Variants in BABAM2 observed in about 807,000 individuals in gnomAD.
The protein encoded by BABAM2 is BRISC and BRCA1 A complex member 2.
In BABAM2, 31 loss-of-function variants were observed where a neutral mutation model predicts 54.7. That is an observed-to-expected ratio of 0.57 (90% confidence interval 0.43 to 0.77). The LOEUF is 0.77. Among genes scored for constraint, BABAM2 ranks in the 30% least tolerant of loss-of-function variants. BABAM2 has a pLI of 0.00. For missense variants in BABAM2, 364 were observed against 455.8 expected, an observed-to-expected ratio of 0.80 and a Z score of 1.83; for synonymous variants, 167 against 162.9, an observed-to-expected ratio of 1.03 and a Z score of -0.19.
At chr2:28,327,262 C>G (rs1690549515) in intron 11 of BABAM2, 2 of 1,595,820 alleles carry the variant, frequency 1.3e-6, no homozygotes, top group African/African-American at 1.3e-5. Flanking sequence ...TCCTTCTCAT[C>G]TGCTGCACCA....
chr2:28,003,212 T>G (rs1017233335), intron 4 of BABAM2, among the ~76,000 whole-genome samples: 3 of 152,228 alleles, frequency 2.0e-5, no homozygotes, highest in Non-Finnish European at 4.4e-5. Flanking sequence ...GATAATTTAG[T>G]GTTGACCATG....
Position 27,958,808 on chromosome 2 carries a change from G to A in BABAM2, c.205+28900G>A, listed in dbSNP as rs536714401. ...TGGTCTGCCTTCCTTGGGAGAATTT[G>A]CACACAGTATACACTATCAGTGTGA... On this transcript the variant is annotated intron_variant, in intron 3 of 11. Coordinates refer to ENST00000379624, the MANE Select transcript of BABAM2 (RefSeq NM_199191.3). 1.2e-4 allele frequency among the ~76,000 whole-genome samples: 18 copies of A among 152,212 alleles called. 1 individual carries two copies. The highest frequency in any genetic ancestry group is 4.3e-4 in the African/African-American group (18 of 41,530).
chr2:28,297,880 G>T lies in BABAM2; in HGVS notation c.935-458G>T, dbSNP rs76136330. Reference sequence around the variant, plus strand: ...CTTGAAAAACAGCCTCTGTCCCACTGCCTCCATCAAATTATAGATGTGGAA... The same window carrying T: ...CTTGAAAAACAGCCTCTGTCCCACTTCCTCCATCAAATTATAGATGTGGAA... On this transcript the variant is annotated intron_variant, in intron 10 of 11. Coordinates refer to ENST00000379624, the MANE Select transcript of BABAM2 (RefSeq NM_199191.3). Among the ~76,000 whole-genome samples, 1,106 of 152,272 alleles carry T rather than the reference G, an allele frequency of 7.3e-3. 10 individuals carry two copies. Among genetic ancestry groups the T allele is most frequent in the African/African-American group, 0.025 (1,048 of 41,554 alleles).
At chr2:28,077,706 A>C (rs574750835) in intron 6 of BABAM2, among the ~76,000 whole-genome samples, 2 of 152,056 alleles carry the variant, frequency 1.3e-5, no homozygotes, top group African/African-American at 4.8e-5. Context: ...CCTCCCTCTC[A>C]CTCCCTCAAC....
intron 7 of BABAM2, among the ~76,000 whole-genome samples, chr2:28,215,967 C>G (rs1679883597): frequency 6.6e-6 from 1 of 152,196 alleles, no homozygotes; most frequent in African/African-American, 2.4e-5. Flanking sequence ...CTTGACTAAG[C>G]TCTCTCAGAG....
rs144378390 is a variant in BABAM2 at position 28,258,441 on chromosome 2, A to G, written c.934+13579A>G. 7.2e-4 allele frequency among the ~76,000 whole-genome samples: 109 copies of G among 152,076 alleles called. 1 individual carries two copies. The highest frequency in any genetic ancestry group is 1.1e-3 in the Non-Finnish European group (75 of 68,000). On this transcript the variant is annotated intron_variant, in intron 10 of 11. Coordinates refer to ENST00000379624, the MANE Select transcript of BABAM2 (RefSeq NM_199191.3). ...TTCCCCATTCTTTCCAACTCTTGAT[A>G]TTGTCATTCTTTTTAAGTTTAGCCA...
intron 7 of BABAM2, among the ~76,000 whole-genome samples, chr2:28,198,311 C>T (rs1237450478): frequency 1.3e-5 from 2 of 151,826 alleles, no homozygotes; most frequent in African/African-American, 4.8e-5. Flanking sequence ...TTACAGGTGC[C>T]CGCAAAAAAT....
chr2:28,026,885 T>G (rs868622114), intron 5 of BABAM2, among the ~76,000 whole-genome samples: 428 of 40,222 alleles, frequency 0.011, 33 homozygotes, highest in African/African-American at 0.045. Context: ...TATATATATA[T>G]AGATATATAT....
chr2:28,200,656 G>A (rs1678164116), intron 7 of BABAM2, among the ~76,000 whole-genome samples: 1 of 152,188 alleles, frequency 6.6e-6, no homozygotes, highest in South Asian at 2.1e-4. Flanking sequence ...GCAATAGATA[G>A]CATCCTTAAC....
chr2:28,024,963 C>T (rs1013752539), intron 4 of BABAM2, among the ~76,000 whole-genome samples: 2 of 152,132 alleles, frequency 1.3e-5, no homozygotes, highest in South Asian at 2.1e-4. Context: ...TGTTACTACC[C>T]GGCTTTACAC....
At chr2:28,208,428 A>T (rs761587659) in intron 7 of BABAM2, among the ~76,000 whole-genome samples, 2 of 152,234 alleles carry the variant, frequency 1.3e-5, no homozygotes, top group East Asian at 3.8e-4. Flanking sequence ...TTCTAACCCT[A>T]GTTTGCACAA....
At chr2:28,034,645 A>G (rs1223012367) in intron 5 of BABAM2, among the ~76,000 whole-genome samples, 1 of 152,198 alleles carries the variant, frequency 6.6e-6, no homozygotes, top group Admixed American at 6.5e-5. Context: ...TTATCTTACC[A>G]GGAGCAGTTC....
chr2:28,280,422 TCTAA>T (rs1160327579), intron 10 of BABAM2, among the ~76,000 whole-genome samples: 2 of 152,126 alleles, frequency 1.3e-5, no homozygotes, highest in Non-Finnish European at 2.9e-5. Flanking sequence ...TAAAAGTTGC[TCTAA>T]CTCTCAGTGG....
At chr2:28,049,580 C>G (rs1295925826) in intron 6 of BABAM2, among the ~76,000 whole-genome samples, 1 of 152,188 alleles carries the variant, frequency 6.6e-6, no homozygotes, top group Non-Finnish European at 1.5e-5. Flanking sequence ...GAATCTGAAT[C>G]ATGACACTAC....
chr2:27,925,137 C>T (rs922605631), intron 2 of BABAM2, among the ~76,000 whole-genome samples: 1 of 152,128 alleles, frequency 6.6e-6, no homozygotes, highest in Non-Finnish European at 1.5e-5. Flanking sequence ...CCCCCATTCC[C>T]ACTTATGATA....
intron 2 of BABAM2, among the ~76,000 whole-genome samples, chr2:27,921,236 G>A (rs1461812160): frequency 6.6e-6 from 1 of 152,076 alleles, no homozygotes; most frequent in Non-Finnish European, 1.5e-5. Flanking sequence ...CTTGATTTAT[G>A]TGTTTACAGT....
chr2:28,297,817 A>T (rs535191792), intron 10 of BABAM2, among the ~76,000 whole-genome samples: 2 of 152,274 alleles, frequency 1.3e-5, no homozygotes, highest in South Asian at 4.1e-4. Flanking sequence ...AAGTAGAAAG[A>T]TTATCACCTG....
At chr2:28,091,194 A>G (rs2148691551) in intron 6 of BABAM2, among the ~76,000 whole-genome samples, 1 of 152,344 alleles carries the variant, frequency 6.6e-6, no homozygotes, top group African/African-American at 2.4e-5. Context: ...CTAAAACAAT[A>G]AAAATGGGGC....
intron 3 of BABAM2, among the ~76,000 whole-genome samples, chr2:27,978,467 T>A (rs1671752807): frequency 6.6e-6 from 1 of 152,248 alleles, no homozygotes; most frequent in Admixed American, 6.5e-5. Flanking sequence ...CTCTATTGCT[T>A]GAACTTACTT....
Sources: allele counts gnomAD v4.1 joint callset (sites outside exome capture counted in the v4.1 genomes callset), GRCh38; gene constraint gnomAD v4.1.1; transcripts MANE v1.5; gene names NCBI Gene and HGNC (gene_info 2026-07-23, HGNC 2026-07-21).